The following OSBPL10 variants were observed in gnomAD, a reference collection of about 807,000 sequenced individuals.
The protein encoded by OSBPL10 is oxysterol-binding protein-related protein 10.
OSBPL10 carries 49 observed loss-of-function variants against 81.7 expected under a neutral mutation model. The ratio of observed to expected loss-of-function variants is 0.60; its 90% CI spans 0.48 to 0.76. The LOEUF is 0.76. Ranked by LOEUF, OSBPL10 falls within the 30% of genes least tolerant of loss-of-function variation. OSBPL10 has a pLI of 0.00. For missense variants in OSBPL10, 923 were observed against 987.8 expected (o/e 0.93, Z 0.88); for synonymous variants, 419 against 383.6 (o/e 1.09, Z -1.08).
At position 31,683,896 on chromosome 3, in the gene OSBPL10, G is replaced by A. The variant is rs200404881; in HGVS notation, c.1464C>T (p.His488=). ...PYNPIIGETF[H]CSWEVPKDRV... is the part of the protein sequence containing the mutation. ...TGTCCTTGGGAACTTCCCAGGAGCAGTGAAATGTCTCGCCTATGATGGGGT... is the reference window on the plus strand; with the variant it reads ...TGTCCTTGGGAACTTCCCAGGAGCAATGAAATGTCTCGCCTATGATGGGGT... Residue 488 remains histidine, a synonymous_variant, in exon 8 of 12, where the codon CAC becomes CAT. Transcript: ENST00000396556. 5.6e-6 allele frequency: 9 copies of A among 1,614,252 alleles called. No homozygotes were observed. In the East Asian group the frequency reaches 1.8e-4, roughly 32 times the overall value.
intron 4 of OSBPL10, among the ~76,000 whole-genome samples, chr3:31,755,879 C>T (rs1277580465): frequency 6.6e-6 from 1 of 152,192 alleles, no homozygotes; most frequent in Non-Finnish European, 1.5e-5. Flanking sequence ...GGAGATAAGC[C>T]TTCTGCAGTT....
At chr3:31,955,465 A>C (rs1354999701) in intron 1 of OSBPL10, among the ~76,000 whole-genome samples, 1 of 152,222 alleles carries the variant, frequency 6.6e-6, no homozygotes, top group Admixed American at 6.5e-5. Context: ...CCAAAGGCTC[A>C]GGCATGGCAC....
At chr3:31,677,474 C>T (rs1032902310) in intron 8 of OSBPL10, among the ~76,000 whole-genome samples, 13 of 152,180 alleles carry the variant, frequency 8.5e-5, no homozygotes, top group Non-Finnish European at 1.6e-4. Flanking sequence ...CAGGAGAGGC[C>T]TTTCACAGTC....
chr3:32,060,004 G>A (rs969128326), intron 1 of OSBPL10, among the ~76,000 whole-genome samples: 1 of 152,074 alleles, frequency 6.6e-6, no homozygotes, highest in Non-Finnish European at 1.5e-5. Flanking sequence ...GGGGGCTTTT[G>A]GGAGCACTGG....
chr3:31,951,822 T>G (rs1368076876), intron 1 of OSBPL10, among the ~76,000 whole-genome samples: 2 of 152,082 alleles, frequency 1.3e-5, no homozygotes, highest in Non-Finnish European at 1.5e-5. Flanking sequence ...CACATCCAGT[T>G]AAGTGAAAGT....
intron 4 of OSBPL10, among the ~76,000 whole-genome samples, chr3:31,756,792 C>T (rs893160511): frequency 1.3e-5 from 2 of 152,166 alleles, no homozygotes; most frequent in African/African-American, 4.8e-5. Context: ...TTCATAACAA[C>T]GATGTCTTTT....
chr3:31,922,675 AT>A (rs199905824), intron 1 of OSBPL10, among the ~76,000 whole-genome samples: 3 of 152,114 alleles, frequency 2.0e-5, no homozygotes, highest in Non-Finnish European at 2.9e-5. Flanking sequence ...AAGTCTATTA[AT>A]TTTTTTTAAA....
intron 1 of OSBPL10, among the ~76,000 whole-genome samples, chr3:31,935,740 T>C (rs1024062475): frequency 1.3e-5 from 2 of 152,118 alleles, no homozygotes; most frequent in African/African-American, 4.8e-5. Context: ...GTCAGGCTGG[T>C]CTGGAACTCC....
intron 4 of OSBPL10, chr3:31,795,134 CTTTTTTTTTTTTTT>C (rs537149885): frequency 0.029 from 2,073 of 71,650 alleles, 84 homozygotes; most frequent in African/African-American, 0.1. Context: ...TTCATAAAAC[CTTTTTTTTTTTTTT>C]TTTTTTTTTT....
chr3:31,928,643 G>A (rs547795188), intron 1 of OSBPL10, among the ~76,000 whole-genome samples: 1 of 151,990 alleles, frequency 6.6e-6, no homozygotes, highest in South Asian at 2.1e-4. Flanking sequence ...GGGCATGGTG[G>A]TGCATGCCTG....
chr3:31,895,161 T>A (rs756872122), intron 1 of OSBPL10, among the ~76,000 whole-genome samples: 4 of 144,826 alleles, frequency 2.8e-5, no homozygotes, highest in Admixed American at 7.1e-5. Flanking sequence ...TTAGACGGAG[T>A]CTCACTCTGT....
intron 1 of OSBPL10, among the ~76,000 whole-genome samples, chr3:31,952,974 C>T (rs1429614472): frequency 2.0e-5 from 3 of 149,698 alleles, no homozygotes; most frequent in Non-Finnish European, 4.4e-5. Context: ...ATTCTGTAGC[C>T]CAGGCTGGAG....
At chr3:31,702,558 G>C (rs1372149956) in intron 6 of OSBPL10, 50 bp from the exon 7 acceptor site, 1 of 1,607,216 alleles carries the variant, frequency 6.2e-7, no homozygotes, top group Non-Finnish European at 8.5e-7. Context: ...ATAGAAGTTA[G>C]AAATAAAGTG....
intron 1 of OSBPL10, among the ~76,000 whole-genome samples, chr3:31,972,652 G>T (rs969583553): frequency 6.6e-6 from 1 of 152,072 alleles, no homozygotes; most frequent in Non-Finnish European, 1.5e-5. Context: ...TCCAAAAAAC[G>T]TCCAATCCCA....
intron 1 of OSBPL10, among the ~76,000 whole-genome samples, chr3:31,902,217 C>T (rs893720950): frequency 1.3e-4 from 20 of 151,592 alleles, no homozygotes; most frequent in African/African-American, 4.6e-4. Context: ...TAAAGATGGA[C>T]CTGGCACATA....
intron 1 of OSBPL10, among the ~76,000 whole-genome samples, chr3:31,943,265 A>T (rs1575050531): frequency 6.6e-6 from 1 of 152,312 alleles, no homozygotes; most frequent in South Asian, 2.1e-4. Flanking sequence ...CTACTGATGC[A>T]CACTTGGGTT....
At chr3:31,766,972 C>T (rs1470284636) in intron 4 of OSBPL10, among the ~76,000 whole-genome samples, 2 of 152,136 alleles carry the variant, frequency 1.3e-5, no homozygotes, top group African/African-American at 4.8e-5. Flanking sequence ...TAGAATCTGC[C>T]AGGTTATAGA....
chr3:31,687,907 ATAAT>A (rs747486146), intron 7 of OSBPL10, among the ~76,000 whole-genome samples: 11 of 150,220 alleles, frequency 7.3e-5, no homozygotes, highest in Admixed American at 1.3e-4. Flanking sequence ...AATAATAATA[ATAAT>A]AATAATAATA....
chr3:31,820,782 G>T (rs1699965093), intron 4 of OSBPL10, among the ~76,000 whole-genome samples: 1 of 152,122 alleles, frequency 6.6e-6, no homozygotes. Flanking sequence ...TAACTCCTAA[G>T]GAGATGGTGC....
Sources: allele counts gnomAD v4.1 joint callset (sites outside exome capture counted in the v4.1 genomes callset), GRCh38; gene constraint gnomAD v4.1.1; transcripts MANE v1.5; gene names NCBI Gene and HGNC (gene_info 2026-07-23, HGNC 2026-07-21).